Variants in ARHGAP19 observed in about 807,000 individuals in gnomAD.
ARHGAP19 encodes the protein rho GTPase-activating protein 19.
Under a neutral mutation model 60.9 loss-of-function variants are expected in ARHGAP19, and 48 were observed. The ratio of observed to expected loss-of-function variants is 0.79; its 90% confidence interval spans 0.62 to 1.00. The LOEUF is 1.00. Ranked by LOEUF, ARHGAP19 falls within the 50% of genes least tolerant of loss-of-function variation. The probability of loss-of-function intolerance (pLI) is 0.00; values close to 1 mark genes in which losing one functional copy is unlikely to be tolerated. For missense variants in ARHGAP19, 562 were observed against 597.2 expected, an observed-to-expected ratio of 0.94 and a Z score of 0.61; for synonymous variants, 209 against 215.5, an observed-to-expected ratio of 0.97 and a Z score of 0.27.
In ARHGAP19 at chr10:97,223,005, A is replaced by G. The variant is rs1262738965; in HGVS notation, c.*3117T>C. On this transcript the variant is annotated 3_prime_UTR_variant, in exon 12 of 12. Coordinates refer to ENST00000358531, the MANE Select transcript of ARHGAP19 (RefSeq NM_032900.6). ...ATGCTAACACAGGCTGCTGTGAGGG[A>G]AACTGAACAGAAACGTTCCTACTCA... 1.3e-5 allele frequency: 2 copies of G among 152,166 alleles called. No homozygotes were observed. Among genetic ancestry groups the G allele is most frequent in the African/African-American group, 4.8e-5 (2 of 41,428 alleles). 9.4% of individuals were successfully genotyped at this position (152,166 alleles called of 1,614,324 possible).
intron 10 of ARHGAP19, 94 bp from the exon 11 acceptor site, chr10:97,229,319 T>C (rs1850960018): frequency 9.3e-7 from 1 of 1,078,010 alleles, no homozygotes; most frequent in Non-Finnish European, 1.4e-6. Context: ...TCAATTTCAA[T>C]GTGAAGAGTT....
intron 7 of ARHGAP19, among the ~76,000 whole-genome samples, 188 bp from the exon 8 acceptor site, chr10:97,244,347 C>T (rs1842532671): frequency 6.6e-6 from 1 of 151,632 alleles, no homozygotes; most frequent in Non-Finnish European, 1.5e-5. Flanking sequence ...TATTAATAGC[C>T]CACTCCCATG....
intron 9 of ARHGAP19, among the ~76,000 whole-genome samples, chr10:97,232,423 A>G (rs1001422858): frequency 6.6e-6 from 1 of 152,046 alleles, no homozygotes; most frequent in African/African-American, 2.4e-5. Flanking sequence ...TCAGCCTCCC[A>G]AAGTACTGGG....
intron 3 of ARHGAP19, 61 bp downstream of exon 3, chr10:97,264,765 T>C: frequency 7.6e-7 from 1 of 1,308,226 alleles, no homozygotes; most frequent in Non-Finnish European, 1.1e-6. Flanking sequence ...GGCAGTTAGC[T>C]CTCAACAGAA....
intron 1 of ARHGAP19, among the ~76,000 whole-genome samples, chr10:97,285,394 G>A (rs1419720569): frequency 4.6e-5 from 7 of 151,348 alleles, no homozygotes; most frequent in South Asian, 2.1e-4. Context: ...GTGTAGTGGC[G>A]GCATTCTAGC....
At position 97,255,866 on chromosome 10, in the gene ARHGAP19, T is replaced by C. The variant is rs377700914; in HGVS notation, c.927+452A>G. 6.6e-5 allele frequency among the ~76,000 whole-genome samples: 10 copies of C among 152,186 alleles called. No individual in the cohort carries two copies. The East Asian group carries it at 1.7e-3, about 26-fold the overall frequency. Reference sequence around the variant, plus strand: ...TCAAAAGATTTGTATATGTGGCCTTTGTCTAATAGAATGAATCTCAATGAA... The same window carrying C: ...TCAAAAGATTTGTATATGTGGCCTTCGTCTAATAGAATGAATCTCAATGAA... On this transcript the variant is annotated intron_variant, in intron 6 of 11. Coordinates refer to ENST00000358531, the MANE Select transcript of ARHGAP19 (RefSeq NM_032900.6).
chr10:97,282,839 C>CT (rs56387291), intron 1 of ARHGAP19, among the ~76,000 whole-genome samples: 1,203 of 90,966 alleles, frequency 0.013, 36 homozygotes, highest in African/African-American at 0.04. Context: ...TTTCTTTTTT[C>CT]TTTTTTTTTT....
intron 6 of ARHGAP19, among the ~76,000 whole-genome samples, chr10:97,255,245 A>C (rs532597786): frequency 6.6e-6 from 1 of 152,364 alleles, no homozygotes; most frequent in South Asian, 2.1e-4. Context: ...CAAGAAAAAA[A>C]GAAACCAGAA....
At chr10:97,273,701 T>C in intron 1 of ARHGAP19, among the ~76,000 whole-genome samples, 1 of 148,416 alleles carries the variant, frequency 6.7e-6, no homozygotes, top group Non-Finnish European at 1.5e-5. Flanking sequence ...GTTGAGCAGG[T>C]TGGTCTCGAA....
chr10:97,260,886 G>A (rs1184101115), intron 4 of ARHGAP19, among the ~76,000 whole-genome samples: 1 of 148,328 alleles, frequency 6.7e-6, no homozygotes, highest in Non-Finnish European at 1.5e-5. Flanking sequence ...TTGAGCCCAG[G>A]AGTTCGAGAC....
At chr10:97,254,880 C>A (rs1254717181) in intron 6 of ARHGAP19, among the ~76,000 whole-genome samples, 1 of 152,092 alleles carries the variant, frequency 6.6e-6, no homozygotes, top group Non-Finnish European at 1.5e-5. Flanking sequence ...ATACTACGCA[C>A]CCTTAAAAAG....
At chr10:97,284,855 CTTTTTT>C (rs768979699) in intron 1 of ARHGAP19, among the ~76,000 whole-genome samples, 3 of 124,152 alleles carry the variant, frequency 2.4e-5, no homozygotes, top group Non-Finnish European at 5.0e-5. Context: ...AAAGCATATA[CTTTTTT>C]TTTTTTTTTT....
intron 6 of ARHGAP19, among the ~76,000 whole-genome samples, chr10:97,248,701 G>A (rs1251525691): frequency 6.6e-6 from 1 of 152,136 alleles, no homozygotes; most frequent in African/African-American, 2.4e-5. Flanking sequence ...AGTGAGCTGG[G>A]AACATTTTAT....
chr10:97,265,444 AG>A, intron 2 of ARHGAP19: 1 of 187,122 alleles, frequency 5.3e-6, no homozygotes, highest in Admixed American at 5.5e-5. Context: ...GGCTGCAGTG[AG>A]CTATGATGAC....
intron 1 of ARHGAP19, among the ~76,000 whole-genome samples, chr10:97,280,259 A>C (rs1843066450): frequency 2.0e-5 from 3 of 151,988 alleles, no homozygotes; most frequent in Non-Finnish European, 4.4e-5. Flanking sequence ...ATACAAAAGA[A>C]TTAGCTGGGT....
intron 4 of ARHGAP19, among the ~76,000 whole-genome samples, 181 bp from the exon 5 acceptor site, chr10:97,259,809 A>C (rs1316959933): frequency 6.7e-6 from 1 of 149,934 alleles, no homozygotes; most frequent in Non-Finnish European, 1.5e-5. Context: ...GCAATTCAAC[A>C]ATAAAAAGAT....
chr10:97,265,305 C>A, intron 2 of ARHGAP19: 1 of 180,684 alleles, frequency 5.5e-6, no homozygotes, highest in Non-Finnish European at 1.2e-5. Flanking sequence ...AGTTTGAGAC[C>A]AGCCTGGGCA....
chr10:97,240,791 G>C (rs2134831627), intron 8 of ARHGAP19, among the ~76,000 whole-genome samples: 1 of 152,246 alleles, frequency 6.6e-6, no homozygotes, highest in African/African-American at 2.4e-5. Context: ...CCAGATGTAA[G>C]GGCTCAAATA....
chr10:97,279,337 G>T (rs1843055463), intron 1 of ARHGAP19, among the ~76,000 whole-genome samples: 1 of 152,164 alleles, frequency 6.6e-6, no homozygotes. Context: ...ATACCCTAAG[G>T]TCTGCCCTTA....
Sources: allele counts gnomAD v4.1 joint callset (sites outside exome capture counted in the v4.1 genomes callset), GRCh38; gene constraint gnomAD v4.1.1; transcripts MANE v1.5; gene names NCBI Gene and HGNC (gene_info 2026-07-23, HGNC 2026-07-21).